Variants in PDE10A observed in about 807,000 individuals in gnomAD.
PDE10A encodes phosphodiesterase 10A.
A neutral mutation model predicts 97.7 loss-of-function variants in PDE10A; 39 were observed. That is an observed-to-expected ratio of 0.40 (90% CI 0.31 to 0.52). PDE10A has a LOEUF of 0.52. Ranked by LOEUF, PDE10A falls within the 20% of genes least tolerant of loss-of-function variation. The pLI, the probability that PDE10A is intolerant of heterozygous loss-of-function variation, is 0.56. For synonymous variants in PDE10A, 371 were observed against 376.8 expected (o/e 0.98, Z 0.18); for missense variants, 731 against 1,047.8 (o/e 0.70, Z 4.17).
At position 165,449,343 on chromosome 6, in the gene PDE10A, T is replaced by G. The variant is rs1371733185; in HGVS notation, c.1145-366A>C. Among the ~76,000 whole-genome samples the G allele has an allele frequency of 2.0e-5, 3 of 152,314 alleles. No individual in the cohort carries two copies. In the East Asian group the frequency reaches 5.8e-4, roughly 29 times the overall value. ...ATACCACAAGTGATATTTATAATAT[T>G]AAATAACCAAAGTAAGTATCAACCC... On this transcript the variant is annotated intron_variant, in intron 4 of 21. Transcript: ENST00000539869.
chr6:165,936,180 C>G (rs1783319368), intron 1 of PDE10A, among the ~76,000 whole-genome samples: 1 of 152,116 alleles, frequency 6.6e-6, no homozygotes, highest in Admixed American at 6.5e-5. Flanking sequence ...TTTGAGCAGT[C>G]CTTGTACACT....
intron 1 of PDE10A, among the ~76,000 whole-genome samples, chr6:165,592,484 C>G (rs1786337037): frequency 6.6e-6 from 1 of 152,106 alleles, no homozygotes; most frequent in South Asian, 2.1e-4. Context: ...TTCTGCTCAG[C>G]AAAAGAAACT....
intron 1 of PDE10A, among the ~76,000 whole-genome samples, chr6:165,726,879 C>T (rs1268489165): frequency 1.3e-5 from 2 of 152,216 alleles, no homozygotes; most frequent in Non-Finnish European, 2.9e-5. Context: ...CCACTTCACT[C>T]GTGACCAAAC....
chr6:165,566,128 A>T (rs181113483), intron 1 of PDE10A, among the ~76,000 whole-genome samples: 237 of 152,350 alleles, frequency 1.6e-3, no homozygotes, highest in African/African-American at 5.3e-3. Context: ...AGAAACTGCC[A>T]AGAGAATAAA....
intron 1 of PDE10A, chr6:165,780,438 A>C: frequency 6.6e-6 from 1 of 152,216 alleles, no homozygotes; most frequent in African/African-American, 2.4e-5. Context: ...ATGGAGAATA[A>C]AAATACTTAT....
chr6:165,805,247 C>T (rs1779102903), intron 1 of PDE10A, among the ~76,000 whole-genome samples: 1 of 152,082 alleles, frequency 6.6e-6, no homozygotes, highest in African/African-American at 2.4e-5. Flanking sequence ...ACGAAGCCTA[C>T]CCTGGAGGCA....
intron 1 of PDE10A, among the ~76,000 whole-genome samples, chr6:165,764,337 A>C (rs1281023043): frequency 6.6e-6 from 1 of 152,236 alleles, no homozygotes; most frequent in Non-Finnish European, 1.5e-5. Context: ...TTAGAAAATC[A>C]CACTGGTTTT....
chr6:165,658,863 C>T (rs185792187), intron 1 of PDE10A, among the ~76,000 whole-genome samples: 2 of 150,096 alleles, frequency 1.3e-5, no homozygotes, highest in Admixed American at 6.6e-5. Flanking sequence ...CTGATAAGGG[C>T]AGAGTAAGGG....
intron 1 of PDE10A, among the ~76,000 whole-genome samples, chr6:165,617,456 G>A (rs976943152): frequency 3.9e-5 from 6 of 152,136 alleles, no homozygotes; most frequent in African/African-American, 9.7e-5. Flanking sequence ...CGATTCTCCC[G>A]CTTCAGCCTC....
intron 1 of PDE10A, among the ~76,000 whole-genome samples, chr6:165,596,825 T>C (rs927978469): frequency 2.0e-5 from 3 of 152,186 alleles, no homozygotes; most frequent in Non-Finnish European, 4.4e-5. Context: ...CATGGGGTCC[T>C]GAATATCCTA....
At chr6:165,833,048 G>A (rs989570586) in intron 1 of PDE10A, among the ~76,000 whole-genome samples, 3 of 152,288 alleles carry the variant, frequency 2.0e-5, no homozygotes, top group Admixed American at 6.5e-5. Context: ...TAACCGATTC[G>A]AATAATCTGC....
At chr6:165,720,915 A>C (rs1438862708) in intron 1 of PDE10A, among the ~76,000 whole-genome samples, 1 of 152,232 alleles carries the variant, frequency 6.6e-6, no homozygotes, top group Non-Finnish European at 1.5e-5. Context: ...AAGGAGGTCC[A>C]TTGATCGTGC....
chr6:165,456,200 G>A (rs946849293), intron 3 of PDE10A, among the ~76,000 whole-genome samples: 1 of 152,104 alleles, frequency 6.6e-6, no homozygotes, highest in Non-Finnish European at 1.5e-5. Context: ...GCTTCTATGA[G>A]AATGAAGCTA....
intron 1 of PDE10A, among the ~76,000 whole-genome samples, chr6:165,783,582 A>G (rs1778402327): frequency 2.5e-5 from 2 of 78,612 alleles, no homozygotes; most frequent in South Asian, 9.1e-4. Context: ...TTCTTATGAA[A>G]GGAAACGAGT....
intron 1 of PDE10A, among the ~76,000 whole-genome samples, chr6:165,955,119 G>A (rs1443662391): frequency 6.6e-6 from 1 of 151,962 alleles, no homozygotes; most frequent in Non-Finnish European, 1.5e-5. Context: ...TGCCACCACT[G>A]ATCCACACGC....
At chr6:165,645,601 C>G (rs895028607) in intron 1 of PDE10A, among the ~76,000 whole-genome samples, 1 of 152,066 alleles carries the variant, frequency 6.6e-6, no homozygotes, top group Non-Finnish European at 1.5e-5. Flanking sequence ...CGCCTGTAAT[C>G]CCAGCACTTT....
At chr6:165,341,741 G>A (rs560790600) in intron 19 of PDE10A, among the ~76,000 whole-genome samples, 2 of 152,278 alleles carry the variant, frequency 1.3e-5, no homozygotes, top group East Asian at 1.9e-4. Flanking sequence ...GCATCCTAGT[G>A]TAACTCTGTA....
At chr6:165,337,943 C>T (rs1011152861) in intron 20 of PDE10A, among the ~76,000 whole-genome samples, 2 of 152,076 alleles carry the variant, frequency 1.3e-5, no homozygotes, top group Non-Finnish European at 2.9e-5. Flanking sequence ...AAAATATAGG[C>T]AAATATATTT....
rs566336916 is a variant in PDE10A at position 165,732,312 on chromosome 6, G to T, written c.-614-188744C>A. 2.0e-5 allele frequency among the ~76,000 whole-genome samples: 3 copies of T among 152,300 alleles called. No homozygotes were observed. The South Asian group carries it at 6.2e-4, about 32-fold the overall frequency. Reference sequence around the variant, plus strand: ...CCACCTCTCTTTCGGGATTCTGATGGTGTAGGGAGAAGTCAGGGCTGGAAG... The same window carrying T: ...CCACCTCTCTTTCGGGATTCTGATGTTGTAGGGAGAAGTCAGGGCTGGAAG... On this transcript the variant is annotated intron_variant, in intron 1 of 19. Coordinates refer to the PDE10A transcript ENST00000366882.
Sources: gnomAD v4.1 joint callset for allele counts (sites outside exome capture counted in the v4.1 genomes callset) on GRCh38, gnomAD v4.1.1 for gene constraint, MANE v1.5 for transcripts, NCBI Gene and HGNC (gene_info 2026-07-23, HGNC 2026-07-21) for gene names.